The following AUTS2 variants were observed in gnomAD, a reference collection of about 807,000 sequenced individuals.
The protein encoded by AUTS2 is activator of transcription and developmental regulator AUTS2, also known as autism susceptibility gene 2 protein.
Under a neutral mutation model 112.4 loss-of-function variants are expected in AUTS2, and 17 were observed. The ratio of observed to expected loss-of-function variants is 0.15; its 90% CI spans 0.10 to 0.23. The LOEUF is 0.23. Among genes scored for constraint, AUTS2 ranks in the 10% least tolerant of loss-of-function variants. AUTS2 has a pLI of 1.00. For synonymous variants in AUTS2, 751 were observed against 702.7 expected (o/e 1.07, Z -1.09); for missense variants, 1,510 against 1,701.6 (o/e 0.89, Z 1.98).
intron 1 of AUTS2, among the ~76,000 whole-genome samples, chr7:69,888,236 A>G (rs1300073152): frequency 1.3e-5 from 2 of 151,856 alleles, no homozygotes; most frequent in African/African-American, 4.8e-5. Context: ...GGTTCTGCAG[A>G]CTGTACAAGA....
intron 5 of AUTS2, among the ~76,000 whole-genome samples, chr7:70,472,199 G>T (rs1797411558): frequency 6.6e-6 from 1 of 152,170 alleles, no homozygotes; most frequent in South Asian, 2.1e-4. Flanking sequence ...CTTTTACATA[G>T]TGTGCCACAT....
At chr7:69,735,586 G>A (rs1255040284) in intron 1 of AUTS2, among the ~76,000 whole-genome samples, 3 of 152,206 alleles carry the variant, frequency 2.0e-5, no homozygotes, top group East Asian at 3.9e-4. Flanking sequence ...GGTGGAAGCT[G>A]GCTGAGGGGC....
intron 2 of AUTS2, among the ~76,000 whole-genome samples, chr7:69,945,721 T>C (rs918591315): frequency 1.3e-5 from 2 of 152,168 alleles, no homozygotes; most frequent in Non-Finnish European, 2.9e-5. Flanking sequence ...ACCGTGACTG[T>C]ACATTAGATC....
At chr7:69,750,530 G>T (rs1787695123) in intron 1 of AUTS2, among the ~76,000 whole-genome samples, 1 of 151,242 alleles carries the variant, frequency 6.6e-6, no homozygotes, top group Non-Finnish European at 1.5e-5. Context: ...TTCAGAGAGA[G>T]GGTCTCCCAG....
At chr7:69,607,456 A>C (rs1205998105) in intron 1 of AUTS2, among the ~76,000 whole-genome samples, 7 of 152,172 alleles carry the variant, frequency 4.6e-5, no homozygotes, top group African/African-American at 1.7e-4. Flanking sequence ...AGAAATTCAA[A>C]AATTTTTAAA....
intron 5 of AUTS2, among the ~76,000 whole-genome samples, chr7:70,646,681 G>A (rs977701011): frequency 2.0e-5 from 3 of 152,352 alleles, no homozygotes; most frequent in African/African-American, 4.8e-5. Context: ...GTGCGGCATC[G>A]AACAGACTGT....
chr7:69,929,643 T>A (rs1363663540), intron 2 of AUTS2, among the ~76,000 whole-genome samples: 1 of 152,242 alleles, frequency 6.6e-6, no homozygotes, highest in Non-Finnish European at 1.5e-5. Context: ...TTGTTAGTCC[T>A]ATTCAATGTG....
intron 1 of AUTS2, among the ~76,000 whole-genome samples, chr7:69,702,616 T>C (rs1165577935): frequency 6.6e-6 from 1 of 152,076 alleles, no homozygotes; most frequent in African/African-American, 2.4e-5. Flanking sequence ...GATTTCTACT[T>C]TGGGTAGGAG....
rs183217836 is a variant in AUTS2, at chr7:70,622,265, A to G, written c.691-76304A>G. ...CCCCTTTCTCCAAGTTCTCTTAAAA[A>G]TGCATCTTTGACTTATATTCTCTCC... On this transcript the variant is annotated intron_variant, in intron 5 of 18. Coordinates refer to ENST00000342771, the MANE Select transcript of AUTS2 (RefSeq NM_015570.4). Among the ~76,000 whole-genome samples the G allele has an allele frequency of 2.0e-5, 3 of 152,218 alleles. No homozygotes were observed. In the East Asian group the frequency reaches 5.8e-4, roughly 29 times the overall value.
chr7:70,446,643 CA>C (rs1404489846), intron 5 of AUTS2, among the ~76,000 whole-genome samples: 2 of 152,326 alleles, frequency 1.3e-5, no homozygotes, highest in East Asian at 3.9e-4. Context: ...CCTCTGCAGG[CA>C]TCTGGGATTA....
chr7:70,013,243 A>T (rs780606606), intron 2 of AUTS2, among the ~76,000 whole-genome samples: 1 of 152,188 alleles, frequency 6.6e-6, no homozygotes, highest in Non-Finnish European at 1.5e-5. Flanking sequence ...GCTGATGGTA[A>T]CAATTTACTG....
intron 1 of AUTS2, among the ~76,000 whole-genome samples, chr7:69,680,001 A>G (rs1488677689): frequency 6.6e-6 from 1 of 152,176 alleles, no homozygotes; most frequent in Non-Finnish European, 1.5e-5. Flanking sequence ...GTTTTCTTTT[A>G]ACATTATATA....
chr7:69,767,644 G>A (rs1483194001), intron 1 of AUTS2, among the ~76,000 whole-genome samples: 2 of 152,190 alleles, frequency 1.3e-5, no homozygotes, highest in Admixed American at 6.5e-5. Flanking sequence ...GCCAGGCCAG[G>A]TATGACCAAC....
At chr7:70,685,000 G>A (rs1439897027) in intron 5 of AUTS2, among the ~76,000 whole-genome samples, 2 of 152,124 alleles carry the variant, frequency 1.3e-5, no homozygotes, top group Non-Finnish European at 2.9e-5. Context: ...TATGGCTCAT[G>A]CTCTTTTTTC....
chr7:69,827,233 C>A (rs78003881), intron 1 of AUTS2, among the ~76,000 whole-genome samples: 1 of 152,094 alleles, frequency 6.6e-6, no homozygotes, highest in African/African-American at 2.4e-5. Context: ...ATAAGCAAAG[C>A]GTCTTTTTGC....
intron 5 of AUTS2, among the ~76,000 whole-genome samples, chr7:70,476,763 A>G (rs1797599330): frequency 6.6e-6 from 1 of 152,204 alleles, no homozygotes; most frequent in Non-Finnish European, 1.5e-5. Flanking sequence ...TGATAAAATG[A>G]GTGGGGTAAT....
rs373827264 is a variant in AUTS2, at chr7:70,524,895, A to G, written c.690+89114A>G. Among the ~76,000 whole-genome samples, 5 of 152,322 alleles carry G rather than the reference A, an allele frequency of 3.3e-5. No individual in the cohort carries two copies. In the East Asian group the frequency reaches 5.8e-4, roughly 18 times the overall value. On this transcript the variant is annotated intron_variant, in intron 5 of 18. Transcript: ENST00000342771. ...GACGCCTCGATGAGATCTTAAATAG[A>G]GAGAGTGGTAAAAGTTTATGTCAGC... is the stretch of plus-strand genomic sequence containing the variant.
At chr7:70,658,504 T>G (rs959625665) in intron 5 of AUTS2, among the ~76,000 whole-genome samples, 4 of 152,240 alleles carry the variant, frequency 2.6e-5, no homozygotes, top group African/African-American at 9.6e-5. Flanking sequence ...CAGCAGCCCC[T>G]CTACAACTCC....
chr7:70,134,249 T>A (rs890856702), intron 3 of AUTS2, among the ~76,000 whole-genome samples: 4 of 152,300 alleles, frequency 2.6e-5, no homozygotes, highest in African/African-American at 7.2e-5. Context: ...AATGCCATCA[T>A]TAATTCATTA....
Sources: gnomAD v4.1 joint callset for allele counts (sites outside exome capture counted in the v4.1 genomes callset) on GRCh38, gnomAD v4.1.1 for gene constraint, MANE v1.5 for transcripts, NCBI Gene and HGNC (gene_info 2026-07-23, HGNC 2026-07-21) for gene names.